Variants in FRYL observed in about 807,000 individuals in gnomAD.
The protein encoded by FRYL is FRY like transcription coactivator.
FRYL carries 150 observed loss-of-function variants against 351.2 expected under a neutral mutation model. That is an observed-to-expected ratio of 0.43 (90% CI 0.37 to 0.49). FRYL has a LOEUF of 0.49. Ranked by LOEUF, FRYL falls within the 20% of genes least tolerant of loss-of-function variation. The pLI, the probability that FRYL is intolerant of heterozygous loss-of-function variation, is 0.00. For synonymous variants in FRYL, 1,153 were observed against 1,257.1 expected, an observed-to-expected ratio of 0.92 and a Z score of 1.75; for missense variants, 3,036 against 3,619.3, an observed-to-expected ratio of 0.84 and a Z score of 4.13.
At position 48,761,620 on chromosome 4, in the gene FRYL, C is replaced by A. The variant is rs1420859225; in HGVS notation, c.-384+18458G>T. ...TATATAGGTTTTTTAATCTTTTATG[C>A]CCTATGTCTACTGTACTTTTCTTTG... On this transcript the variant is annotated intron_variant, in intron 1 of 63. Transcript: ENST00000358350. 2.0e-5 allele frequency among the ~76,000 whole-genome samples: 3 copies of A among 152,236 alleles called. No homozygotes were observed. The East Asian group carries it at 5.8e-4, about 29-fold the overall frequency.
In FRYL at chr4:48,576,077, C is replaced by G; in HGVS notation, c.2674G>C (p.Glu892Gln). 1 of 1,613,668 alleles carries G rather than the reference C, an allele frequency of 6.2e-7. No homozygotes were observed. Among genetic ancestry groups the G allele is most frequent in the Non-Finnish European group, 8.5e-7 (1 of 1,179,846 alleles). Residue 892 changes from glutamate to glutamine, a missense_variant, in exon 24 of 64, where the codon GAG becomes CAG. Transcript: ENST00000358350. ...CTATCTGGGGTAGACGCCAGCGTCT[C>G]AGGAGGAGAACATCTCACAGAACCT... The part of the protein sequence containing the change: ...SAGSVRCSPP[E>Q]TLASTPDSGY...
At chr4:48,507,535 C>CAGTTAGTT (rs56023671) in intron 59 of FRYL, among the ~76,000 whole-genome samples, 133,737 of 151,746 alleles carry the variant, frequency 0.88, 58,979 homozygotes, top group African/African-American at 0.9. Context: ...CTCAAACAAA[C>CAGTTAGTT]AGTTAGTTAG....
At chr4:48,541,952 T>C in intron 45 of FRYL, 75 bp downstream of exon 45, 1 of 1,011,658 alleles carries the variant, frequency 9.9e-7, no homozygotes, top group Non-Finnish European at 1.6e-6. Context: ...AATATTAGAA[T>C]TTTAAAAGTT....
At chr4:48,735,034 A>G (rs1468800490) in intron 1 of FRYL, among the ~76,000 whole-genome samples, 42 of 143,308 alleles carry the variant, frequency 2.9e-4, no homozygotes, top group African/African-American at 9.6e-4. Flanking sequence ...TGAACAGGCA[A>G]CCTACAACAT....
At chr4:48,772,791 T>C (rs1578991829) in intron 1 of FRYL, among the ~76,000 whole-genome samples, 2 of 150,248 alleles carry the variant, frequency 1.3e-5, no homozygotes, top group Admixed American at 6.6e-5. Context: ...GTTTATATCC[T>C]AAAAAGCAAG....
chr4:48,588,050 A>G (rs1205486581), intron 18 of FRYL, among the ~76,000 whole-genome samples: 3 of 152,198 alleles, frequency 2.0e-5, no homozygotes, highest in Non-Finnish European at 4.4e-5. Context: ...TTGGTCCATA[A>G]AGCACCATGC....
intron 1 of FRYL, among the ~76,000 whole-genome samples, chr4:48,769,469 T>G (rs1305731363): frequency 6.6e-6 from 1 of 152,154 alleles, no homozygotes; most frequent in Non-Finnish European, 1.5e-5. Flanking sequence ...ATCGATGAAA[T>G]GGAACTTTCC....
intron 39 of FRYL, 41 bp from the exon 40 acceptor site, chr4:48,548,834 C>T: frequency 2.6e-6 from 3 of 1,132,472 alleles, no homozygotes; most frequent in Non-Finnish European, 3.9e-6. Flanking sequence ...TACTAGATCT[C>T]AGTAAACCTA....
At chr4:48,553,964 A>G (rs1733506314) in intron 35 of FRYL, among the ~76,000 whole-genome samples, 1 of 152,256 alleles carries the variant, frequency 6.6e-6, no homozygotes, top group Admixed American at 6.5e-5. Context: ...GGGTAGTAAT[A>G]GCACCTACTT....
At chr4:48,604,171 T>C (rs1488493294) in intron 11 of FRYL, among the ~76,000 whole-genome samples, 1 of 152,210 alleles carries the variant, frequency 6.6e-6, no homozygotes, top group Non-Finnish European at 1.5e-5. Context: ...TACTCATTGT[T>C]GTGTTCCCTT....
At chr4:48,641,502 C>T (rs1560772356) in intron 3 of FRYL, among the ~76,000 whole-genome samples, 1 of 152,110 alleles carries the variant, frequency 6.6e-6, no homozygotes, top group Non-Finnish European at 1.5e-5. Flanking sequence ...GCAGCCTTTG[C>T]CAATATCCTT....
At chr4:48,713,810 G>T (rs893592247) in intron 1 of FRYL, among the ~76,000 whole-genome samples, 1 of 152,158 alleles carries the variant, frequency 6.6e-6, no homozygotes, top group Non-Finnish European at 1.5e-5. Context: ...CAAATCAACA[G>T]AATATACATT....
At chr4:48,763,475 T>C (rs1207207612) in intron 1 of FRYL, among the ~76,000 whole-genome samples, 1 of 151,794 alleles carries the variant, frequency 6.6e-6, no homozygotes, top group Non-Finnish European at 1.5e-5. Context: ...AAAAAAAACT[T>C]GGAAAAAAAA....
chr4:48,578,916 A>G, intron 23 of FRYL, 57 bp downstream of exon 23: 2 of 1,425,066 alleles, frequency 1.4e-6, no homozygotes, highest in Middle Eastern at 3.7e-4. Flanking sequence ...TCAAATAAAT[A>G]CATATGAAAG....
At chr4:48,541,492 TA>T (rs1340447245) in intron 45 of FRYL, among the ~76,000 whole-genome samples, 1 of 152,244 alleles carries the variant, frequency 6.6e-6, no homozygotes, top group Non-Finnish European at 1.5e-5. Context: ...GATAGATATG[TA>T]AATGGATAAA....
intron 2 of FRYL, among the ~76,000 whole-genome samples, chr4:48,695,861 GC>G: frequency 6.6e-6 from 1 of 152,256 alleles, no homozygotes; most frequent in Non-Finnish European, 1.5e-5. Context: ...CAAAAAGTGG[GC>G]AAAGGATATA....
At chr4:48,650,790 G>A (rs900394895) in intron 3 of FRYL, among the ~76,000 whole-genome samples, 3 of 152,142 alleles carry the variant, frequency 2.0e-5, no homozygotes, top group Non-Finnish European at 4.4e-5. Context: ...ATGCAAACAG[G>A]ACCAATATGG....
In FRYL at chr4:48,734,395, A is replaced by T. The variant is rs1771063131; in HGVS notation, c.-383-23697T>A. ...AATGTGTGTGTGTGCCTAACAGAAC[A>T]TCAAAATGTGTGAGTGAAAAACTGA... On this transcript the variant is annotated intron_variant, in intron 1 of 63. Coordinates refer to ENST00000358350, the MANE Select transcript of FRYL (RefSeq NM_015030.2). 2.0e-5 allele frequency among the ~76,000 whole-genome samples: 3 copies of T among 152,230 alleles called. No individual in the cohort carries two copies. In the South Asian group the frequency reaches 6.2e-4, roughly 32 times the overall value.
At chr4:48,544,142 A>T (rs1432122218) in intron 43 of FRYL, 145 bp from the exon 44 acceptor site, 4 of 659,490 alleles carry the variant, frequency 6.1e-6, no homozygotes, top group Non-Finnish European at 1.0e-5. Context: ...TTCTTTGCTT[A>T]AACTCCATTT....
Sources: allele counts gnomAD v4.1 joint callset (sites outside exome capture counted in the v4.1 genomes callset), GRCh38; gene constraint gnomAD v4.1.1; transcripts MANE v1.5; gene names NCBI Gene and HGNC (gene_info 2026-07-23, HGNC 2026-07-21).